TELO2: variants seen among roughly 807,000 people sequenced by gnomAD.
TELO2 encodes telomere maintenance 2.
Under a neutral mutation model 91.0 loss-of-function variants are expected in TELO2, and 71 were observed. The ratio of observed to expected loss-of-function variants is 0.78; its 90% CI spans 0.64 to 0.95. TELO2 has a LOEUF of 0.95. TELO2 is among the 40% of genes least tolerant of loss of function. TELO2 has a pLI of 0.00. For synonymous variants in TELO2, 584 were observed against 518.9 expected (o/e 1.13, Z -1.71); for missense variants, 1,183 against 1,141.3 (o/e 1.04, Z -0.53).
intron 15 of TELO2, among the ~76,000 whole-genome samples, chr16:1,503,823 A>G (rs1450034906): frequency 6.6e-5 from 10 of 152,100 alleles, no homozygotes; most frequent in Admixed American, 5.9e-4. Flanking sequence ...ATGCCACGGA[A>G]CTGTACACTT....
At chr16:1,504,265 T>G (rs2039805031) in intron 15 of TELO2, among the ~76,000 whole-genome samples, 1 of 151,322 alleles carries the variant, frequency 6.6e-6, no homozygotes, top group African/African-American at 2.4e-5. Context: ...AAACCCTGTT[T>G]CTACTAAAAA....
chr16:1,503,093 C>T, intron 15 of TELO2, 91 bp downstream of exon 15: 2 of 1,446,766 alleles, frequency 1.4e-6, no homozygotes, highest in Non-Finnish European at 1.9e-6. Flanking sequence ...GTTGCTGGGC[C>T]CCAAGGGCTC....
rs776080837 is a variant in TELO2 at position 1,509,924 on chromosome 16, C to A, written c.2502C>A (p.Pro834=). 6.3e-7 allele frequency: 1 copy of A among 1,598,640 alleles called. No homozygotes were observed. The highest frequency in any genetic ancestry group is 1.1e-5 in the South Asian group (1 of 88,364). Residue 834 remains proline, a synonymous_variant, in exon 21 of 21, where the codon CCC becomes CCA. Coordinates refer to ENST00000262319, the MANE Select transcript of TELO2 (RefSeq NM_016111.4). ...GACTCAAGAACAGGCTCCTCCCACC[C>A]GCGTCTCCCTAGTCCCTGGAGGCCT... ...LQRLKNRLLP[P]ASP
chr16:1,500,745 C>G, intron 9 of TELO2, 46 bp downstream of exon 9: 1 of 1,596,792 alleles, frequency 6.3e-7, no homozygotes, highest in Non-Finnish European at 8.5e-7. Flanking sequence ...TGGCCCGGGT[C>G]TCCCGAGCGG....
rs117012678 is a variant in TELO2 at position 1,498,342 on chromosome 16, G to T, written c.830+834G>T. Among the ~76,000 whole-genome samples, 998 of 152,174 alleles carry T rather than the reference G, an allele frequency of 6.6e-3. 5 individuals are homozygous for T. Among genetic ancestry groups the T allele is most frequent in the Non-Finnish European group, 0.011 (733 of 67,998 alleles). On this transcript the variant is annotated intron_variant, in intron 5 of 20. Transcript: ENST00000262319. ...CTTTGCATTCTTGATTCTGGGTGAG[G>T]GTGTGTGTGTGTTTAAGGCATTTGT...
intron 15 of TELO2, among the ~76,000 whole-genome samples, chr16:1,504,619 G>A (rs1205231043): frequency 9.2e-5 from 12 of 130,262 alleles, no homozygotes; most frequent in Non-Finnish European, 1.3e-4. Context: ...GTGCAGTGGC[G>A]CGATCTTGAC....
Position 1,494,994 on chromosome 16 carries a change from C to T in TELO2, c.336-352C>T, listed in dbSNP as rs2039425105. On this transcript the variant is annotated intron_variant, in intron 2 of 20. Transcript: ENST00000262319. The surrounding 1 kb of genome is among the most constrained non-coding windows in gnomAD (Gnocchi z 5.6). ...AGCCCCAGCCGGCTCCCAGGCTCAGCCTCAGATCACACTGCAGTCCTTGCC... is the reference window on the plus strand; with the variant it reads ...AGCCCCAGCCGGCTCCCAGGCTCAGTCTCAGATCACACTGCAGTCCTTGCC... Among the ~76,000 whole-genome samples the T allele has an allele frequency of 6.6e-6, 1 of 152,194 alleles. No homozygotes were observed. Among genetic ancestry groups the T allele is most frequent in the South Asian group, 2.1e-4 (1 of 4,830 alleles).
intron 20 of TELO2, among the ~76,000 whole-genome samples, chr16:1,508,171 C>T (rs1162804001): frequency 6.6e-6 from 1 of 151,958 alleles, no homozygotes; most frequent in Admixed American, 6.6e-5. Context: ...CTTGCTCTGT[C>T]GCCCAGGCTG....
At chr16:1,504,696 T>G (rs947779742) in intron 15 of TELO2, among the ~76,000 whole-genome samples, 10 of 150,716 alleles carry the variant, frequency 6.6e-5, no homozygotes, top group African/African-American at 2.4e-5. Flanking sequence ...TAGCTGGGAC[T>G]ACAGGCGCCC....
chr16:1,495,226 C>T lies in TELO2; in HGVS notation c.336-120C>T, dbSNP rs557105700. 2.5e-4 allele frequency: 344 copies of T among 1,372,136 alleles called. 2 individuals carry two copies. Among genetic ancestry groups the T allele is most frequent in the Non-Finnish European group, 3.2e-4 (325 of 1,031,668 alleles). The allele number at this position is 1,372,136 out of a possible 1,614,324, so 85.0% of individuals were successfully genotyped here. On this transcript the variant is annotated intron_variant, in intron 2 of 20. Transcript: ENST00000262319. ...TTCCCATCCGGCTTGTGGTTTTGGA[C>T]TTCACGCTGGTTATGTTGTTGGGGC... is the stretch of plus-strand genomic sequence containing the variant.
intron 18 of TELO2, 94 bp downstream of exon 18, chr16:1,507,145 G>A (rs981357876): frequency 3.3e-6 from 5 of 1,501,104 alleles, no homozygotes; most frequent in Non-Finnish European, 4.5e-6. Flanking sequence ...GGGTGTCTGA[G>A]GGAGGGGCTG....
At chr16:1,506,364 G>A (rs2039893077) in intron 17 of TELO2, 35 bp downstream of exon 17, 1 of 1,613,394 alleles carries the variant, frequency 6.2e-7, no homozygotes, top group Non-Finnish European at 8.5e-7. Flanking sequence ...TGGACTTGGG[G>A]GACAGGGACC....
rs749594762 is a variant in TELO2, at chr16:1,507,599, A to G, written c.2292-2A>G. The stretch of plus-strand genomic sequence containing the variant: ...GCTCAGCCCCCGCCTTCTTGCCGGC[A>G]GCTACGTGCGCCAGGGGCTGTTGTC... On this transcript the variant is annotated splice_acceptor_variant, in intron 19 of 20. Coordinates refer to ENST00000262319, the MANE Select transcript of TELO2 (RefSeq NM_016111.4). LOFTEE classifies it high-confidence loss of function. 2.5e-6 allele frequency: 4 copies of G among 1,584,674 alleles called. No individual in the cohort carries two copies. The African/African-American group carries it at 4.0e-5, about 16-fold the overall frequency.
chr16:1,507,451 G>A (rs1226562726), intron 19 of TELO2, 81 bp downstream of exon 19: 4 of 1,557,936 alleles, frequency 2.6e-6, no homozygotes, highest in Middle Eastern at 1.9e-4. Context: ...GTGGAGCCTC[G>A]AGGTGGCTGA....
At chr16:1,500,748 C>T in intron 9 of TELO2, 49 bp downstream of exon 9, 3 of 1,593,856 alleles carry the variant, frequency 1.9e-6, no homozygotes, top group Non-Finnish European at 2.6e-6. Context: ...CCCGGGTCTC[C>T]CGAGCGGCTG....
rs1444381746 is a variant in TELO2 at position 1,502,028 on chromosome 16, C to T, written c.1473-19C>T. 8.1e-6 allele frequency: 13 copies of T among 1,613,256 alleles called. No individual in the cohort carries two copies. The highest frequency in any genetic ancestry group is 5.0e-5 in the Admixed American group (3 of 60,026). ...GTCACAGGCCATGGGCTGCTCATGT[C>T]TGCTTTGCTCTCCCACAGCGATGAT... On this transcript the variant is annotated intron_variant, in intron 11 of 20. Transcript: ENST00000262319.
intron 6 of TELO2, 117 bp from the exon 7 acceptor site, chr16:1,499,979 T>C: frequency 8.1e-7 from 1 of 1,232,242 alleles, no homozygotes; most frequent in Non-Finnish European, 1.1e-6. Flanking sequence ...CCCCCATGCT[T>C]GTCCGTCTGC....
chr16:1,498,687 G>C (rs2039575922), intron 5 of TELO2, among the ~76,000 whole-genome samples: 1 of 151,464 alleles, frequency 6.6e-6, no homozygotes, highest in African/African-American at 2.4e-5. Flanking sequence ...CTCCTGCCTT[G>C]GCCTCCCAAA....
In TELO2 at chr16:1,507,891, T is replaced by A. The variant is rs1246746107; in HGVS notation, c.2407+175T>A. Among the ~76,000 whole-genome samples, 8 of 80,138 alleles carry A rather than the reference T, an allele frequency of 1.0e-4. No homozygotes were observed. The South Asian group carries it at 1.6e-3, about 17-fold the overall frequency. The allele number at this position is 80,138 out of a possible 152,430, so 52.6% of individuals were successfully genotyped here. Reference sequence around the variant, plus strand: ...GTGTGTGTGTGTGTGTGTGTGTGTGTGTGATGTGTGTCGGCCCGGGGTGTG... The same window carrying A: ...GTGTGTGTGTGTGTGTGTGTGTGTGAGTGATGTGTGTCGGCCCGGGGTGTG... On this transcript the variant is annotated intron_variant, in intron 20 of 20. Transcript: ENST00000262319.
Sources: allele counts gnomAD v4.1 joint callset (sites outside exome capture counted in the v4.1 genomes callset), GRCh38; gene constraint gnomAD v4.1.1; non-coding constraint Gnocchi (gnomAD v3.1); transcripts MANE v1.5; gene names NCBI Gene and HGNC (gene_info 2026-07-23, HGNC 2026-07-21).